The following BDP1 variants were observed in gnomAD, a reference collection of about 807,000 sequenced individuals.
BDP1 encodes transcription factor TFIIIB component B'' homolog.
Under a neutral mutation model 266.6 loss-of-function variants are expected in BDP1, and 169 were observed. The observed-to-expected ratio is 0.63, with a 90% CI of 0.56 to 0.72. BDP1 has a LOEUF of 0.72. Among genes scored for constraint, BDP1 ranks in the 30% least tolerant of loss-of-function variants. The pLI is 0.00. For missense variants in BDP1, 3,015 were observed against 3,053.8 expected (o/e 0.99, Z 0.30); for synonymous variants, 1,090 against 1,022.4 (o/e 1.07, Z -1.26).
intron 22 of BDP1, among the ~76,000 whole-genome samples, chr5:71,517,810 TCTCCCA>T (rs1474505145): frequency 6.6e-6 from 1 of 152,060 alleles, no homozygotes; most frequent in Non-Finnish European, 1.5e-5. Context: ...ACGCCTGTAA[TCTCCCA>T]GCACTTTGGG....
In BDP1 at chr5:71,467,391, G is replaced by T; in HGVS notation, c.823G>T (p.Val275Phe). The part of the protein sequence containing the change: ...VEVLRTKGPC[V>F]VEENDPIFER... ...AGTTTTAAGAACAAAAGGCCCTTGT[G>T]TTGTTGAAGAAAATGACCCCATATT... Residue 275 changes from valine (V) to phenylalanine (F), a missense_variant, in exon 6 of 39, where the codon GTT becomes TTT. Transcript: ENST00000358731. 1 of 1,610,492 alleles carries T rather than the reference G, an allele frequency of 6.2e-7. No homozygotes were observed. The highest frequency in any genetic ancestry group is 1.1e-5 in the South Asian group (1 of 90,854).
At chr5:71,540,843 T>C (rs1766921948) in intron 28 of BDP1, among the ~76,000 whole-genome samples, 1 of 151,946 alleles carries the variant, frequency 6.6e-6, no homozygotes, top group Non-Finnish European at 1.5e-5. Flanking sequence ...GAAGCTGAGG[T>C]GGGAGGATCG....
chr5:71,527,977 C>T (rs1179287259), intron 25 of BDP1, among the ~76,000 whole-genome samples: 2 of 152,014 alleles, frequency 1.3e-5, no homozygotes, highest in African/African-American at 4.8e-5. Flanking sequence ...TGCCACCACA[C>T]CCAGCTAATT....
In BDP1 at chr5:71,515,009, G is replaced by A. The variant is rs1765147416; in HGVS notation, c.4536G>A (p.Val1512=). 2 of 1,613,004 alleles carry A rather than the reference G, an allele frequency of 1.2e-6. No individual in the cohort carries two copies. Among genetic ancestry groups the A allele is most frequent in the Non-Finnish European group, 8.5e-7 (1 of 1,179,578 alleles). The part of the protein sequence containing the change: ...DTLGHRNEEA[V]ILPCTQTERN... ...TAGGTCACAGGAATGAGGAGGCTGTGATATTGCCATGTACACAGACTGAAA... is the reference window on the plus strand; with the variant it reads ...TAGGTCACAGGAATGAGGAGGCTGTAATATTGCCATGTACACAGACTGAAA... Residue 1512 remains valine (V), a synonymous_variant, in exon 20 of 39, where the codon GTG becomes GTA. Transcript: ENST00000358731.
chr5:71,562,601 G>T, intron 38 of BDP1, 81 bp downstream of exon 38: 1 of 1,525,294 alleles, frequency 6.6e-7, no homozygotes, highest in Non-Finnish European at 8.9e-7. Context: ...ATAGTAATTT[G>T]TTATTTTTAT....
chr5:71,480,819 C>T (rs983092866), intron 7 of BDP1, among the ~76,000 whole-genome samples: 2 of 152,206 alleles, frequency 1.3e-5, no homozygotes, highest in Non-Finnish European at 2.9e-5. Flanking sequence ...TCACCTCAGC[C>T]TCCCACAGTG....
intron 22 of BDP1, among the ~76,000 whole-genome samples, chr5:71,520,747 A>T (rs929995272): frequency 5.3e-5 from 8 of 152,146 alleles, no homozygotes; most frequent in Non-Finnish European, 1.2e-4. Context: ...TGGAGTTTAT[A>T]TTCTAATTGA....
At chr5:71,480,114 T>G (rs1183941300) in intron 7 of BDP1, among the ~76,000 whole-genome samples, 1 of 151,032 alleles carries the variant, frequency 6.6e-6, no homozygotes, top group African/African-American at 2.4e-5. Context: ...CTGGCTAATT[T>G]TTTTTTTTTT....
intron 2 of BDP1, among the ~76,000 whole-genome samples, chr5:71,461,135 A>G (rs913210878): frequency 6.6e-6 from 1 of 152,048 alleles, no homozygotes; most frequent in Non-Finnish European, 1.5e-5. Flanking sequence ...ATATGCCACC[A>G]CATCCAGCTA....
At chr5:71,476,999 C>T (rs748233738) in intron 7 of BDP1, among the ~76,000 whole-genome samples, 8 of 151,912 alleles carry the variant, frequency 5.3e-5, no homozygotes, top group Non-Finnish European at 1.2e-4. Context: ...CCATCGTGCC[C>T]GGCCCCCCCA....
At position 71,510,203 on chromosome 5, in the gene BDP1, G is replaced by A. The variant is rs1261747381; in HGVS notation, c.3111G>A (p.Leu1037=). The change falls in exon 17 of 39, where the codon TTG becomes TTA. Residue 1037 remains leucine (L), a synonymous_variant. Coordinates refer to ENST00000358731, the MANE Select transcript of BDP1 (RefSeq NM_018429.3). ...TTGATGCTACTGAGGAAATAGATTT[G>A]GAAGAAACTGAAAGAGAAGTATCCC... ...EVIDATEEID[L]EETEREVSPQ... 1 of 1,609,248 alleles carries A rather than the reference G, an allele frequency of 6.2e-7. No individual in the cohort carries two copies. The highest frequency in any genetic ancestry group is 8.5e-7 in the Non-Finnish European group (1 of 1,178,924).
intron 36 of BDP1, among the ~76,000 whole-genome samples, chr5:71,557,375 A>AT (rs55810132): frequency 0.029 from 2,946 of 102,988 alleles, 447 homozygotes; most frequent in African/African-American, 0.088. Flanking sequence ...TGCCAAGCTA[A>AT]TTTTTTTTTT....
At chr5:71,470,837 C>A (rs554058433) in intron 7 of BDP1, among the ~76,000 whole-genome samples, 2 of 151,654 alleles carry the variant, frequency 1.3e-5, no homozygotes, top group African/African-American at 4.8e-5. Flanking sequence ...TTAATCCCCC[C>A]ATCTTGGCCT....
At chr5:71,461,956 C>CAAA in intron 3 of BDP1, 30 bp downstream of exon 3, 1 of 725,326 alleles carries the variant, frequency 1.4e-6, no homozygotes, top group Non-Finnish European at 2.3e-6. Context: ...GCTTTACTAT[C>CAAA]TCTTTTTTTT....
intron 22 of BDP1, among the ~76,000 whole-genome samples, chr5:71,521,768 T>C (rs905419637): frequency 6.6e-6 from 1 of 152,204 alleles, no homozygotes; most frequent in Non-Finnish European, 1.5e-5. Context: ...CCTTATGACA[T>C]TGGTTGTCAG....
chr5:71,572,046 G>A (rs1744281993), downstream of BDP1, among the ~76,000 whole-genome samples: 2 of 152,162 alleles, frequency 1.3e-5, no homozygotes, highest in African/African-American at 4.8e-5. Flanking sequence ...GAGGGCCATC[G>A]CTCCCTGGCC....
chr5:71,481,394 A>G (rs936305904), intron 7 of BDP1, among the ~76,000 whole-genome samples: 1 of 143,388 alleles, frequency 7.0e-6, no homozygotes, highest in African/African-American at 2.6e-5. Flanking sequence ...CTACAAAGAA[A>G]AAAAAAAAAA....
At chr5:71,498,139 A>G (rs1210769127) in intron 13 of BDP1, among the ~76,000 whole-genome samples, 1 of 151,844 alleles carries the variant, frequency 6.6e-6, no homozygotes, top group Non-Finnish European at 1.5e-5. Context: ...TTTAGTAGAG[A>G]TGGGGTTTCA....
intron 32 of BDP1, among the ~76,000 whole-genome samples, chr5:71,546,374 T>G (rs1189235548): frequency 6.6e-6 from 1 of 151,954 alleles, no homozygotes; most frequent in Non-Finnish European, 1.5e-5. Flanking sequence ...ATCCCAGTAC[T>G]TTGGGAGGCC....
Sources: gnomAD v4.1 joint callset for allele counts (sites outside exome capture counted in the v4.1 genomes callset) on GRCh38, gnomAD v4.1.1 for gene constraint, MANE v1.5 for transcripts, NCBI Gene and HGNC (gene_info 2026-07-23, HGNC 2026-07-21) for gene names.